PTH2R: variants seen among roughly 807,000 people sequenced by gnomAD.
The protein encoded by PTH2R is parathyroid hormone 2 receptor.
Under a neutral mutation model 60.3 loss-of-function variants are expected in PTH2R, and 59 were observed. That is an observed-to-expected ratio of 0.98 (90% CI 0.79 to 1.22). The LOEUF (loss-of-function observed/expected upper bound fraction) is 1.22. Among genes scored for constraint, PTH2R ranks in the 50% most tolerant of loss-of-function variants. PTH2R has a pLI of 0.00. For missense variants in PTH2R, 749 were observed against 682.6 expected (o/e 1.10, Z -1.08); for synonymous variants, 256 against 243.8 (o/e 1.05, Z -0.47).
At chr2:208,427,648 C>T (rs934385650) in intron 1 of PTH2R, among the ~76,000 whole-genome samples, 7 of 152,054 alleles carry the variant, frequency 4.6e-5, no homozygotes, top group African/African-American at 1.2e-4. Flanking sequence ...AACTGTGAAA[C>T]AAATTAATGT....
rs1158373698 is a variant in PTH2R at position 208,407,093 on chromosome 2, G to A, written c.50G>A (p.Gly17Asp). 1.4e-6 allele frequency: 2 copies of A among 1,395,134 alleles called. No individual in the cohort carries two copies. Among genetic ancestry groups the A allele is most frequent in the African/African-American group, 1.5e-5 (1 of 66,916 alleles). 86.4% of individuals were successfully genotyped at this position (1,395,134 alleles called of 1,614,324 possible). The change falls in exon 1 of 13, where the codon GGC becomes GAC. Residue 17 changes from glycine to aspartate, a missense_variant. Coordinates refer to ENST00000272847, the MANE Select transcript of PTH2R (RefSeq NM_005048.4). ...CACGTCTGGGGTTGGCTAATGCTCG[G>A]CAGCTGCCTCCTGGCCAGAGCCCAG... ...SLHVWGWLMLGSCLLARAQLD... is the reference protein window; with the variant it reads ...SLHVWGWLMLDSCLLARAQLD...
intron 1 of PTH2R, among the ~76,000 whole-genome samples, chr2:208,393,486 G>A (rs927687077): frequency 1.9e-4 from 29 of 152,114 alleles, no homozygotes; most frequent in African/African-American, 5.1e-4. Flanking sequence ...GAGTTATTGG[G>A]ATTCCAATCA....
intron 5 of PTH2R, 89 bp downstream of exon 5, chr2:208,442,550 T>C (rs1702208246): frequency 9.6e-7 from 1 of 1,040,714 alleles, no homozygotes; most frequent in Admixed American, 2.0e-5. Context: ...ATTTTCCAAA[T>C]GTTTTCCTCA....
At position 208,493,885 on chromosome 2, in the gene PTH2R, T is replaced by C; in HGVS notation, c.*226T>C. On this transcript the variant is annotated 3_prime_UTR_variant, in exon 13 of 13. Transcript: ENST00000272847. ...CTTCTATTGGCATCAAGTTTTCCTC[T>C]AAATTAATGTATGGTATTTGCTCTG... 1 of 403,338 alleles carries C rather than the reference T, an allele frequency of 2.5e-6. No individual in the cohort carries two copies. Among genetic ancestry groups the C allele is most frequent in the Non-Finnish European group, 4.4e-6 (1 of 229,068 alleles). The allele number at this position is 403,338 out of a possible 1,614,324, so 25.0% of individuals were successfully genotyped here.
chr2:208,414,893 G>A (rs1187226457), intron 1 of PTH2R, among the ~76,000 whole-genome samples: 3 of 151,922 alleles, frequency 2.0e-5, no homozygotes, highest in African/African-American at 7.3e-5. Context: ...GTTCCATAAT[G>A]AGAAAACCAT....
intron 1 of PTH2R, among the ~76,000 whole-genome samples, chr2:208,415,964 G>T (rs1249883915): frequency 1.3e-5 from 2 of 152,148 alleles, no homozygotes; most frequent in African/African-American, 2.4e-5. Context: ...CTTTTGAAAA[G>T]AATAGAGTTG....
intron 1 of PTH2R, among the ~76,000 whole-genome samples, chr2:208,363,232 G>A (rs541750261): frequency 5.3e-5 from 8 of 152,084 alleles, no homozygotes; most frequent in South Asian, 2.1e-4. Flanking sequence ...CTTAGCATCT[G>A]TGTGTAGTCA....
chr2:208,391,646 T>C (rs996713837), intron 1 of PTH2R, among the ~76,000 whole-genome samples: 1 of 152,332 alleles, frequency 6.6e-6, no homozygotes, highest in East Asian at 1.9e-4. Context: ...TATTTCACCA[T>C]ATCCAGGTAT....
intron 11 of PTH2R, 30 bp from the exon 12 acceptor site, chr2:208,490,609 C>A (rs1703382193): frequency 1.3e-6 from 2 of 1,597,154 alleles, no homozygotes; most frequent in Admixed American, 3.7e-5. Flanking sequence ...TCTGAGTTGG[C>A]AGTGGGCTGA....
chr2:208,414,390 T>A (rs933868472), intron 1 of PTH2R, among the ~76,000 whole-genome samples: 8 of 152,192 alleles, frequency 5.3e-5, no homozygotes, highest in African/African-American at 9.6e-5. Context: ...TAGTAGTTAA[T>A]GATATTTTTG....
At chr2:208,453,478 A>G (rs1438876481) in intron 8 of PTH2R, among the ~76,000 whole-genome samples, 1 of 152,170 alleles carries the variant, frequency 6.6e-6, no homozygotes, top group Non-Finnish European at 1.5e-5. Context: ...CTTATCTATC[A>G]TCTTATTTCT....
chr2:208,378,129 G>A (rs555607966), intron 1 of PTH2R, among the ~76,000 whole-genome samples: 5 of 152,146 alleles, frequency 3.3e-5, no homozygotes, highest in Admixed American at 1.3e-4. Flanking sequence ...CCGGCACCTC[G>A]GGAGGCCGAG....
Position 208,459,966 on chromosome 2 carries a change from GT to G in PTH2R, c.981+8del. ...CCGATCTTAGCAGCTATTGGGGTAA[GT>G]TTAAAAGTTTGTATAGTTAAAAAAG... On this transcript the variant is annotated splice_donor_region_variant and intron_variant, in intron 9 of 12. Coordinates refer to ENST00000272847, the MANE Select transcript of PTH2R (RefSeq NM_005048.4). 6.2e-7 allele frequency: 1 copy of G among 1,611,766 alleles called. No homozygotes were observed. The highest frequency in any genetic ancestry group is 1.1e-5 in the South Asian group (1 of 90,810).
At chr2:208,416,596 A>T (rs963306894) in intron 1 of PTH2R, among the ~76,000 whole-genome samples, 1 of 152,186 alleles carries the variant, frequency 6.6e-6, no homozygotes, top group East Asian at 1.9e-4. Context: ...GATGGTTAAT[A>T]CTGAGGGTCA....
At chr2:208,493,142 C>T in intron 12 of PTH2R, 122 bp from the exon 13 acceptor site, 1 of 1,078,904 alleles carries the variant, frequency 9.3e-7, no homozygotes, top group East Asian at 2.8e-5. Context: ...AAGTCCCTGG[C>T]ACGTAGAGGA....
chr2:208,450,768 T>C lies in PTH2R; in HGVS notation c.873T>C (p.Val291=). Reference sequence around the variant, plus strand: ...TTTCAGGGTTTCCAGCAGCATTTGTTGCAGCATGGGCTGTGGCACGAGCAA... The same window carrying C: ...TTTCAGGGTTTCCAGCAGCATTTGTCGCAGCATGGGCTGTGGCACGAGCAA... ...LIGWGFPAAF[V]AAWAVARATL... Residue 291 remains valine (V), a synonymous_variant, in exon 8 of 13, where the codon GTT becomes GTC. Transcript: ENST00000272847. The C allele has an allele frequency of 5.6e-6, 9 of 1,614,040 alleles. No homozygotes were observed. The highest frequency in any genetic ancestry group is 7.6e-6 in the Non-Finnish European group (9 of 1,179,922).
At chr2:208,367,096 A>ATT (rs35169172) in intron 1 of PTH2R, among the ~76,000 whole-genome samples, 3 of 146,012 alleles carry the variant, frequency 2.1e-5, no homozygotes, top group Admixed American at 6.8e-5. Context: ...AACTTCTTTA[A>ATT]TTTTTTTTTT....
At chr2:208,475,075 T>A (rs1353443517) in intron 9 of PTH2R, among the ~76,000 whole-genome samples, 1 of 152,174 alleles carries the variant, frequency 6.6e-6, no homozygotes, top group Non-Finnish European at 1.5e-5. Flanking sequence ...TTGATGAGAG[T>A]TAGTCCCACA....
chr2:208,435,791 C>G (rs1702063544), intron 2 of PTH2R, among the ~76,000 whole-genome samples: 1 of 152,224 alleles, frequency 6.6e-6, no homozygotes, highest in Non-Finnish European at 1.5e-5. Context: ...AGAGAAACAG[C>G]TGAGTCCAGC....
Sources: gnomAD v4.1 joint callset for allele counts (sites outside exome capture counted in the v4.1 genomes callset) on GRCh38, gnomAD v4.1.1 for gene constraint, MANE v1.5 for transcripts, NCBI Gene and HGNC (gene_info 2026-07-23, HGNC 2026-07-21) for gene names.